SORCS2: variants seen among roughly 807,000 people sequenced by gnomAD.
The protein encoded by SORCS2 is VPS10 domain-containing receptor SorCS2.
In SORCS2, 100 loss-of-function variants were observed where a neutral mutation model predicts 141.6. That is an observed-to-expected ratio of 0.71 (90% CI 0.60 to 0.83). The LOEUF is 0.83. Ranked by LOEUF, SORCS2 falls within the 40% of genes least tolerant of loss-of-function variation. The pLI, the probability that SORCS2 is intolerant of heterozygous loss-of-function variation, is 0.00. For synonymous variants in SORCS2, 789 were observed against 676.9 expected (o/e 1.17, Z -2.57); for missense variants, 1,646 against 1,560.2 (o/e 1.05, Z -0.93).
chr4:7,561,529 C>CATTT (rs1714562019), intron 3 of SORCS2, among the ~76,000 whole-genome samples: 1 of 150,178 alleles, frequency 6.7e-6, no homozygotes, highest in Non-Finnish European at 1.5e-5. Flanking sequence ...TCTACCCATC[C>CATTT]ATCCATGTAT....
At chr4:7,612,574 C>T (rs983069071) in intron 3 of SORCS2, among the ~76,000 whole-genome samples, 5 of 152,138 alleles carry the variant, frequency 3.3e-5, no homozygotes, top group Admixed American at 6.5e-5. Context: ...CCACTAAGAC[C>T]CCAGCCTGCC....
chr4:7,329,211 G>T (rs1257073030), intron 1 of SORCS2, among the ~76,000 whole-genome samples: 1 of 152,200 alleles, frequency 6.6e-6, no homozygotes, highest in Non-Finnish European at 1.5e-5. Flanking sequence ...GGCCCACAGA[G>T]CCCTGGCTTA....
At chr4:7,635,101 C>G (rs1177799977) in intron 3 of SORCS2, among the ~76,000 whole-genome samples, 1 of 152,220 alleles carries the variant, frequency 6.6e-6, no homozygotes, top group South Asian at 2.1e-4. Context: ...GGTGCTGATG[C>G]TGGCATCCTC....
At chr4:7,544,523 G>A (rs1223600655) in intron 3 of SORCS2, among the ~76,000 whole-genome samples, 1 of 152,224 alleles carries the variant, frequency 6.6e-6, no homozygotes, top group African/African-American at 2.4e-5. Flanking sequence ...CGGCCAGCAG[G>A]AAGAAGAGCT....
At chr4:7,722,411 G>C (rs1726652304) in intron 18 of SORCS2, among the ~76,000 whole-genome samples, 1 of 152,210 alleles carries the variant, frequency 6.6e-6, no homozygotes, top group Admixed American at 6.5e-5. Context: ...GGAGCACCCT[G>C]CAGCCTCCTT....
intron 4 of SORCS2, among the ~76,000 whole-genome samples, chr4:7,652,862 T>TG (rs1436336920): frequency 1.3e-5 from 2 of 152,228 alleles, no homozygotes; most frequent in African/African-American, 4.8e-5. Flanking sequence ...ATTTGCAGGG[T>TG]GCAGTGCAAA....
intron 1 of SORCS2, among the ~76,000 whole-genome samples, chr4:7,284,604 C>T (rs1716089810): frequency 1.3e-5 from 2 of 152,132 alleles, no homozygotes. Context: ...ACACAGAGGC[C>T]TGAAGGGGTC....
In SORCS2 at chr4:7,229,821, A is replaced by ATG. The variant is rs556931357; in HGVS notation, c.480+36696_480+36697dup. 5.9e-3 allele frequency among the ~76,000 whole-genome samples: 862 copies of ATG among 145,138 alleles called. 3 individuals carry two copies. Among genetic ancestry groups the ATG allele is most frequent in the Middle Eastern group, 0.027 (7 of 260 alleles). On this transcript the variant is annotated intron_variant, in intron 1 of 26. Transcript: ENST00000507866. ...CCAGTGTCTGGGCAGGAGCAGTGTC[A>ATG]TGCTCGTGTATGAAGGAGATGAAGA...
intron 5 of SORCS2, among the ~76,000 whole-genome samples, chr4:7,658,183 TTGAC>T (rs1255236734): frequency 4.7e-5 from 7 of 149,754 alleles, no homozygotes; most frequent in East Asian, 2.0e-4. Context: ...GAGTCTGTGA[TTGAC>T]TGAGTGGTTA....
chr4:7,433,909 A>T, intron 2 of SORCS2: 1 of 1,613,790 alleles, frequency 6.2e-7, no homozygotes, highest in South Asian at 1.1e-5. Flanking sequence ...TACCGAGCAC[A>T]CGCGCTCCAG....
chr4:7,689,114 G>A (rs1302377885), intron 10 of SORCS2, among the ~76,000 whole-genome samples: 3 of 152,036 alleles, frequency 2.0e-5, no homozygotes, highest in African/African-American at 4.8e-5. Context: ...GCTCTTGACC[G>A]ATGCCCAAGA....
At chr4:7,694,982 T>C (rs2108995606) in intron 11 of SORCS2, among the ~76,000 whole-genome samples, 1 of 151,824 alleles carries the variant, frequency 6.6e-6, no homozygotes, top group African/African-American at 2.4e-5. Flanking sequence ...CCGTCCTGGC[T>C]CTGTGTTCAC....
At chr4:7,197,476 G>A (rs1285980135) in intron 1 of SORCS2, among the ~76,000 whole-genome samples, 1 of 152,106 alleles carries the variant, frequency 6.6e-6, no homozygotes, top group African/African-American at 2.4e-5. Flanking sequence ...GGGGGCAAGT[G>A]TCACCCTCCC....
intron 2 of SORCS2, among the ~76,000 whole-genome samples, chr4:7,491,744 C>A (rs1386435372): frequency 6.6e-6 from 1 of 152,192 alleles, no homozygotes; most frequent in Non-Finnish European, 1.5e-5. Flanking sequence ...GCCCACCCAC[C>A]CCCCGTTAAG....
At chr4:7,454,457 A>G (rs1259268588) in intron 2 of SORCS2, among the ~76,000 whole-genome samples, 4 of 125,522 alleles carry the variant, frequency 3.2e-5, no homozygotes, top group Non-Finnish European at 6.5e-5. Flanking sequence ...TGTTAGTGTA[A>G]TGCGCCACGT....
chr4:7,424,478 G>A (rs367557848), intron 2 of SORCS2, among the ~76,000 whole-genome samples: 49 of 152,310 alleles, frequency 3.2e-4, no homozygotes, highest in African/African-American at 1.1e-3. Flanking sequence ...TATAAAATCC[G>A]GGTCCACACA....
chr4:7,454,257 T>A (rs1265087742), intron 2 of SORCS2, among the ~76,000 whole-genome samples: 5 of 117,486 alleles, frequency 4.3e-5, no homozygotes, highest in East Asian at 2.8e-4. Flanking sequence ...GGGGTCAGGC[T>A]CTGTGTTGGG....
At chr4:7,391,821 C>T (rs2109101178) in intron 1 of SORCS2, among the ~76,000 whole-genome samples, 1 of 152,292 alleles carries the variant, frequency 6.6e-6, no homozygotes, top group East Asian at 1.9e-4. Context: ...TGACACACCT[C>T]CTTCCAGCCC....
At chr4:7,398,111 A>T (rs368038349) in intron 2 of SORCS2, among the ~76,000 whole-genome samples, 3 of 152,072 alleles carry the variant, frequency 2.0e-5, no homozygotes, top group African/African-American at 7.2e-5. Context: ...ATCTGCACTT[A>T]TACGACGGAG....
Sources: allele counts gnomAD v4.1 joint callset (sites outside exome capture counted in the v4.1 genomes callset), GRCh38; gene constraint gnomAD v4.1.1; transcripts MANE v1.5; gene names NCBI Gene and HGNC (gene_info 2026-07-23, HGNC 2026-07-21).